Variants in PFKL observed in about 807,000 individuals in gnomAD.
PFKL encodes the protein ATP-dependent 6-phosphofructokinase, liver type.
In PFKL, 74 loss-of-function variants were observed where a neutral mutation model predicts 92.1. The ratio of observed to expected loss-of-function variants is 0.80; its 90% CI spans 0.67 to 0.97. The LOEUF is 0.97. Ranked by LOEUF, PFKL falls within the 50% of genes least tolerant of loss-of-function variation. The pLI is 0.00. For synonymous variants in PFKL, 494 were observed against 456.4 expected, an observed-to-expected ratio of 1.08 and a Z score of -1.05; for missense variants, 1,028 against 1,116.6, an observed-to-expected ratio of 0.92 and a Z score of 1.13.
At chr21:44,305,941 G>A (rs1291879505) in intron 1 of PFKL, 3 of 1,357,042 alleles carry the variant, frequency 2.2e-6, no homozygotes, top group Non-Finnish European at 2.9e-6. Context: ...GGGGGGTGAG[G>A]GTCCCTGAGG....
chr21:44,326,199 C>T lies in PFKL; in HGVS notation c.2130C>T (p.Ile710=), dbSNP rs748896673. 26 of 1,612,880 alleles carry T rather than the reference C, an allele frequency of 1.6e-5. No homozygotes were observed. The highest frequency in any genetic ancestry group is 2.7e-5 in the African/African-American group (2 of 74,914). The change falls in exon 21 of 22, where the codon ATC becomes ATT. Residue 710 remains isoleucine (I), a synonymous_variant. Coordinates refer to ENST00000349048, the MANE Select transcript of PFKL (RefSeq NM_002626.6). ...ATGCCCCAGACTCGGCCTGCGTGATCGGCCTGAAGAAGAAGGCGGTGGCCT... is the reference window on the plus strand; with the variant it reads ...ATGCCCCAGACTCGGCCTGCGTGATTGGCCTGAAGAAGAAGGCGGTGGCCT... The part of the protein sequence containing the change: ...FANAPDSACV[I]GLKKKAVAFS...
chr21:44,303,572 C>A (rs570180902), intron 1 of PFKL, among the ~76,000 whole-genome samples: 1 of 152,180 alleles, frequency 6.6e-6, no homozygotes, highest in East Asian at 1.9e-4. Flanking sequence ...CCCTGCCTTT[C>A]CCTGGCTGGT....
At chr21:44,311,429 TAGAC>T (rs1165676063) in intron 3 of PFKL, among the ~76,000 whole-genome samples, 1 of 151,502 alleles carries the variant, frequency 6.6e-6, no homozygotes, top group African/African-American at 2.4e-5. Flanking sequence ...TACACATGGA[TAGAC>T]ACATGCAGAC....
chr21:44,304,025 AGTCCC>A (rs2040855362), intron 1 of PFKL, among the ~76,000 whole-genome samples: 1 of 56,796 alleles, frequency 1.8e-5, no homozygotes, highest in African/African-American at 1.1e-4. Flanking sequence ...GGCCGCAGCC[AGTCCC>A]GTTCTAAAAT....
Position 44,312,207 on chromosome 21 carries a change from T to TCATCG in PFKL, c.340_341insCATCG (p.Cys114SerfsTer45), listed in dbSNP as rs766695482. 2 of 1,606,992 alleles carry TCATCG rather than the reference T, an allele frequency of 1.2e-6. No homozygotes were observed. Among genetic ancestry groups the TCATCG allele is most frequent in the South Asian group, 1.1e-5 (1 of 89,848 alleles). ...GGTCCAGCACGGCATCACCAACCTG[T>TCATCG]GCGTCATCGGCGGGGATGGCAGCCT... On this transcript the variant is annotated frameshift_variant, in exon 4 of 22. Transcript: ENST00000349048. LOFTEE classifies it high-confidence loss of function.
intron 9 of PFKL, 113 bp downstream of exon 9, chr21:44,316,637 TGG>T (rs2047214884): frequency 1.3e-6 from 1 of 768,526 alleles, no homozygotes; most frequent in Non-Finnish European, 2.1e-6. Context: ...CATGTGGCTG[TGG>T]GTGAGTGTCC....
chr21:44,323,127 G>A (rs2047402099), intron 15 of PFKL, 78 bp downstream of exon 15: 2 of 1,219,182 alleles, frequency 1.6e-6, no homozygotes, highest in Non-Finnish European at 2.4e-6. Context: ...GGCCCATCCT[G>A]AAAACCCGTG....
chr21:44,312,944 C>T (rs199881112), intron 4 of PFKL, 34 bp from the exon 5 acceptor site: 17 of 1,607,798 alleles, frequency 1.1e-5, no homozygotes, highest in Non-Finnish European at 1.4e-5. Flanking sequence ...GCCAGTGGAG[C>T]CTCAGCCAGG....
Position 44,300,102 on chromosome 21 carries a change from C to T in PFKL, c.-4C>T. 1 of 1,149,892 alleles carries T rather than the reference C, an allele frequency of 8.7e-7. No homozygotes were observed. 71.2% of individuals were successfully genotyped at this position (1,149,892 alleles called of 1,614,324 possible). A position where few individuals can be genotyped will look rare whatever the true frequency, so the allele number is the denominator to read the frequency against. On this transcript the variant is annotated 5_prime_UTR_variant, in exon 1 of 22. Coordinates refer to ENST00000349048, the MANE Select transcript of PFKL (RefSeq NM_002626.6). ...CGAGCTGGGCCCGTGTTTCGGCCGC[C>T]GCCATGGCCGCGGTGGACCTGGAGA... is the stretch of plus-strand genomic sequence containing the variant.
intron 1 of PFKL, chr21:44,305,947 T>G: frequency 7.4e-7 from 1 of 1,347,016 alleles, no homozygotes; most frequent in Non-Finnish European, 9.9e-7. Context: ...TGAGGGTCCC[T>G]GAGGCCCTGG....
chr21:44,319,726 A>G (rs2047310273), intron 11 of PFKL: 1 of 530,260 alleles, frequency 1.9e-6, no homozygotes, highest in South Asian at 2.3e-5. Flanking sequence ...AGGCTGGCAG[A>G]TGTTGGGTGT....
chr21:44,312,140 C>T lies in PFKL; in HGVS notation c.273C>T (p.Ala91=). 1 of 1,587,040 alleles carries T rather than the reference C, an allele frequency of 6.3e-7. No homozygotes were observed. ...TCATTGGCAGCGCTCGCTGCAAGGCCTTTACCACCAGGGAGGGGCGCCGGG... is the reference window on the plus strand; with the variant it reads ...TCATTGGCAGCGCTCGCTGCAAGGCTTTTACCACCAGGGAGGGGCGCCGGG... The part of the protein sequence containing the change: ...GTIIGSARCK[A]FTTREGRRAA... Residue 91 remains alanine, a synonymous_variant, in exon 4 of 22, where the codon GCC becomes GCT. Transcript: ENST00000349048.
At chr21:44,320,697 C>G (rs1302660817) in intron 12 of PFKL, 3 of 152,470 alleles carry the variant, frequency 2.0e-5, no homozygotes, top group African/African-American at 7.2e-5. Flanking sequence ...CCATTGCACT[C>G]CAGCCCGGGC....
rs377723000 is a variant in PFKL at position 44,313,024 on chromosome 21, C to T, written c.474C>T (p.Ile158=). The T allele has an allele frequency of 4.3e-5, 70 of 1,612,986 alleles. No homozygotes were observed. In the African/African-American group the frequency reaches 6.3e-4, roughly 14 times the overall value. ...TTARTYSHLN[I]AGLVGSIDND... is the part of the protein sequence containing the mutation. ...CCCGGACCTACTCGCACCTGAACAT[C>T]GCGGGCCTAGTGGGCTCCATCGATA... is the stretch of plus-strand genomic sequence containing the variant. Residue 158 remains isoleucine, a synonymous_variant, in exon 5 of 22, where the codon ATC becomes ATT. Transcript: ENST00000349048.
chr21:44,325,085 C>A, intron 18 of PFKL, 68 bp from the exon 19 acceptor site: 2 of 1,263,578 alleles, frequency 1.6e-6, no homozygotes, highest in South Asian at 1.2e-5. Context: ...CCTGGCCCAG[C>A]GGGGACTCAG....
intron 1 of PFKL, chr21:44,305,184 G>C: frequency 2.6e-6 from 3 of 1,175,686 alleles, no homozygotes; most frequent in Non-Finnish European, 3.3e-6. Context: ...TTGGATTCCT[G>C]TAGTGTGGGG....
chr21:44,312,407 A>G, intron 4 of PFKL, 113 bp downstream of exon 4: 1 of 997,896 alleles, frequency 1.0e-6, no homozygotes, highest in Non-Finnish European at 1.4e-6. Flanking sequence ...CCCGAGGCAG[A>G]GGAGGGGCTG....
intron 12 of PFKL, 65 bp downstream of exon 12, chr21:44,320,212 C>G: frequency 1.4e-6 from 2 of 1,448,912 alleles, no homozygotes; most frequent in Non-Finnish European, 1.9e-6. Context: ...CCTCTTCACG[C>G]TGGCCCCGTG....
At chr21:44,317,696 G>A (rs1028742207) in intron 9 of PFKL, among the ~76,000 whole-genome samples, 1 of 152,216 alleles carries the variant, frequency 6.6e-6, no homozygotes, top group Non-Finnish European at 1.5e-5. Context: ...ACTGGGTGCT[G>A]CGAAGGGGCC....
Sources: allele counts gnomAD v4.1 joint callset (sites outside exome capture counted in the v4.1 genomes callset), GRCh38; gene constraint gnomAD v4.1.1; transcripts MANE v1.5; gene names NCBI Gene and HGNC (gene_info 2026-07-23, HGNC 2026-07-21).